SMPD3: variants seen among roughly 807,000 people sequenced by gnomAD.
SMPD3 encodes nSMase-2.
In SMPD3, 21 loss-of-function variants were observed where a neutral mutation model predicts 55.7. The ratio of observed to expected loss-of-function variants is 0.38; its 90% confidence interval spans 0.27 to 0.54. The LOEUF (loss-of-function observed/expected upper bound fraction) is 0.54, where lower values mean the gene tolerates loss of function less well. SMPD3 is among the 20% of genes least tolerant of loss of function. The pLI, the probability that SMPD3 is intolerant of heterozygous loss-of-function variation, is 0.80. For synonymous variants in SMPD3, 457 were observed against 404.3 expected, an observed-to-expected ratio of 1.13 and a Z score of -1.56; for missense variants, 842 against 899.6, an observed-to-expected ratio of 0.94 and a Z score of 0.82.
intron 1 of SMPD3, among the ~76,000 whole-genome samples, chr16:68,402,732 G>C (rs1224752571): frequency 6.6e-6 from 1 of 152,192 alleles, no homozygotes; most frequent in Non-Finnish European, 1.5e-5. Context: ...CGGAATCAAG[G>C]TTCTACAGAA....
chr16:68,437,041 G>A (rs1341217487), intron 1 of SMPD3, among the ~76,000 whole-genome samples: 1 of 152,212 alleles, frequency 6.6e-6, no homozygotes, highest in Non-Finnish European at 1.5e-5. Context: ...ACCCAGAAGG[G>A]AATGTCATGA....
intron 2 of SMPD3, among the ~76,000 whole-genome samples, chr16:68,379,488 T>C (rs1171385347): frequency 1.3e-5 from 2 of 152,252 alleles, no homozygotes; most frequent in Non-Finnish European, 2.9e-5. Flanking sequence ...GTTAATTCCC[T>C]TGCTGCAAAG....
chr16:68,390,035 G>A (rs2090097184), intron 1 of SMPD3, among the ~76,000 whole-genome samples: 1 of 152,174 alleles, frequency 6.6e-6, no homozygotes, highest in African/African-American at 2.4e-5. Flanking sequence ...TGCTAAACGA[G>A]GGGTGGATTA....
chr16:68,371,411 T>G lies in SMPD3; in HGVS notation c.771A>C (p.Glu257Asp), dbSNP rs1244995822. ...GGCCCCCAGGCACAGGGTCGTCAGC[T>G]TCAGGTGGCCGGCCGCCCTCCTCGC... ...IGGEEGGRPPEADDPVPGGQA... is the reference protein window; with the variant it reads ...IGGEEGGRPPDADDPVPGGQA... Residue 257 changes from glutamate to aspartate, a missense_variant, in exon 3 of 9, where the codon GAA (glutamate) becomes GAC (aspartate). By Grantham distance (45) the Glu-to-Asp change is conservative. Transcript: ENST00000219334. 1 of 1,570,338 alleles carries G rather than the reference T, an allele frequency of 6.4e-7. No homozygotes were observed. Among genetic ancestry groups the G allele is most frequent in the Non-Finnish European group, 8.6e-7 (1 of 1,166,648 alleles).
At chr16:68,397,498 T>C (rs1471386024) in intron 1 of SMPD3, among the ~76,000 whole-genome samples, 1 of 152,200 alleles carries the variant, frequency 6.6e-6, no homozygotes, top group Non-Finnish European at 1.5e-5. Context: ...CCTTCAGCCT[T>C]GCGCCCTCCA....
In SMPD3 at chr16:68,404,667, C is replaced by A. The variant is rs1179320717; in HGVS notation, c.-268-18008G>T. Among the ~76,000 whole-genome samples, 1 of 152,210 alleles carries A rather than the reference C, an allele frequency of 6.6e-6. No individual in the cohort carries two copies. The stretch of plus-strand genomic sequence containing the variant: ...GGGGTCACCTGTGCCCCCAGCCCAC[C>A]TGCCATTGAGGTGCTAGCCCCCAGA... On this transcript the variant is annotated intron_variant, in intron 1 of 8. Coordinates refer to ENST00000219334, the MANE Select transcript of SMPD3 (RefSeq NM_018667.4). This position sits in a 1 kb window ranked among gnomAD's most constrained non-coding sequence, Gnocchi z 4.0.
At chr16:68,377,498 T>C (rs931409511) in intron 2 of SMPD3, among the ~76,000 whole-genome samples, 1 of 152,152 alleles carries the variant, frequency 6.6e-6, no homozygotes, top group African/African-American at 2.4e-5. Flanking sequence ...ACATATGACC[T>C]GAGGCATCAC....
intron 1 of SMPD3, among the ~76,000 whole-genome samples, chr16:68,414,703 A>G (rs2090326273): frequency 6.6e-6 from 1 of 152,246 alleles, no homozygotes; most frequent in African/African-American, 2.4e-5. Flanking sequence ...GAGATGAGGA[A>G]GGCTGGCAGC....
At position 68,404,933 on chromosome 16, in the gene SMPD3, G is replaced by A. The variant is rs1321955325; in HGVS notation, c.-268-18274C>T. ...CAGGCACATGTGTGCAGACTTGCCA[G>A]GCCCTGTGGGCCAAGCGGATGTAGG... On this transcript the variant is annotated intron_variant, in intron 1 of 8. Transcript: ENST00000219334. This position sits in a 1 kb window ranked among gnomAD's most constrained non-coding sequence, Gnocchi z 4.0. Among the ~76,000 whole-genome samples the A allele has an allele frequency of 6.6e-6, 1 of 152,210 alleles. No homozygotes were observed. The highest frequency in any genetic ancestry group is 2.4e-5 in the African/African-American group (1 of 41,456).
Position 68,393,037 on chromosome 16 carries a change from T to C in SMPD3, c.-268-6378A>G, listed in dbSNP as rs564549989. ...TCGGTTGTTTAAGCCACCCAGTCTATGGTATTTTGTTATGGTAGCCCAAAC... is the reference window on the plus strand; with the variant it reads ...TCGGTTGTTTAAGCCACCCAGTCTACGGTATTTTGTTATGGTAGCCCAAAC... On this transcript the variant is annotated intron_variant, in intron 1 of 8. Transcript: ENST00000219334. Among the ~76,000 whole-genome samples, 3 of 152,250 alleles carry C rather than the reference T, an allele frequency of 2.0e-5. No individual in the cohort carries two copies. The South Asian group carries it at 6.2e-4, about 32-fold the overall frequency.
chr16:68,441,634 G>A (rs1383014201), intron 1 of SMPD3, among the ~76,000 whole-genome samples: 1 of 151,570 alleles, frequency 6.6e-6, no homozygotes, highest in East Asian at 1.9e-4. Context: ...TATACTTATA[G>A]CACATCTTAA....
chr16:68,399,717 G>A (rs1196545575), intron 1 of SMPD3, among the ~76,000 whole-genome samples: 3 of 152,236 alleles, frequency 2.0e-5, no homozygotes, highest in African/African-American at 4.8e-5. Flanking sequence ...CCAATCAGCT[G>A]CTGCTCGCCT....
chr16:68,400,318 A>G (rs1003976633), intron 1 of SMPD3, among the ~76,000 whole-genome samples: 1 of 152,178 alleles, frequency 6.6e-6, no homozygotes, highest in African/African-American at 2.4e-5. Flanking sequence ...TGTCCCCCTG[A>G]CCTTGCCAGC....
chr16:68,438,459 A>G (rs1486303599), intron 1 of SMPD3, among the ~76,000 whole-genome samples: 1 of 152,158 alleles, frequency 6.6e-6, no homozygotes, highest in Non-Finnish European at 1.5e-5. Flanking sequence ...CACTGCAACA[A>G]ATTACCCAGA....
chr16:68,383,040 T>C (rs2089981857), intron 2 of SMPD3, among the ~76,000 whole-genome samples: 1 of 152,158 alleles, frequency 6.6e-6, no homozygotes, highest in African/African-American at 2.4e-5. Flanking sequence ...GGTTCCACCA[T>C]GTTGGCCAGG....
rs147611484 is a variant in SMPD3, at chr16:68,372,110, G to T, written c.72C>A (p.Ile24=). The T allele has an allele frequency of 1.9e-6, 3 of 1,612,742 alleles. No individual in the cohort carries two copies. Among genetic ancestry groups the T allele is most frequent in the Non-Finnish European group, 2.5e-6 (3 of 1,179,568 alleles). Residue 24 remains isoleucine, a synonymous_variant, in exon 3 of 9, where the codon ATC becomes ATA. Transcript: ENST00000219334. ...SALHCVSWAL[I]FPCYWLVDRL... The stretch of plus-strand genomic sequence containing the variant: ...GGTCCACCAGCCAGTAGCATGGAAA[G>T]ATAAGGGCCCAGGACACACAGTGCA...
intron 1 of SMPD3, among the ~76,000 whole-genome samples, chr16:68,414,128 A>G (rs2152020166): frequency 6.6e-6 from 1 of 152,334 alleles, no homozygotes; most frequent in African/African-American, 2.4e-5. Context: ...TAGGCTGAGT[A>G]TAGGCTTGGG....
intron 1 of SMPD3, among the ~76,000 whole-genome samples, chr16:68,410,058 T>G (rs2090286725): frequency 1.3e-5 from 2 of 152,180 alleles, no homozygotes; most frequent in Admixed American, 1.3e-4. Flanking sequence ...GAGGCAGAGA[T>G]AAGACCTGCC....
intron 2 of SMPD3, among the ~76,000 whole-genome samples, chr16:68,379,486 C>T (rs2089899127): frequency 6.6e-6 from 1 of 152,212 alleles, no homozygotes; most frequent in Non-Finnish European, 1.5e-5. Context: ...CTGTTAATTC[C>T]CTTGCTGCAA....
Sources: gnomAD v4.1 joint callset for allele counts (sites outside exome capture counted in the v4.1 genomes callset) on GRCh38, gnomAD v4.1.1 for gene constraint, Gnocchi (gnomAD v3.1) non-coding constraint, MANE v1.5 for transcripts, NCBI Gene and HGNC (gene_info 2026-07-23, HGNC 2026-07-21) for gene names.